The following EHMT1 variants were observed in gnomAD, a reference collection of about 807,000 sequenced individuals.
The protein encoded by EHMT1 is euchromatic histone lysine methyltransferase 1.
EHMT1 carries 15 observed loss-of-function variants against 147.2 expected under a neutral mutation model. The ratio of observed to expected loss-of-function variants is 0.10; its 90% CI spans 0.07 to 0.16. EHMT1 has a LOEUF of 0.16. Ranked by LOEUF, EHMT1 falls within the 10% of genes least tolerant of loss-of-function variation. The probability of loss-of-function intolerance (pLI) is 1.00; values close to 1 mark genes in which losing one functional copy is unlikely to be tolerated. For missense variants in EHMT1, 1,587 were observed against 1,772.4 expected, an observed-to-expected ratio of 0.90 and a Z score of 1.88; for synonymous variants, 795 against 709.6, an observed-to-expected ratio of 1.12 and a Z score of -1.91.
chr9:137,796,715 A>AAG (rs1554888011), intron 16 of EHMT1, among the ~76,000 whole-genome samples: 1 of 151,482 alleles, frequency 6.6e-6, no homozygotes, highest in East Asian at 1.9e-4. Context: ...AAAAAAAAAA[A>AAG]AAAAAGAAAT....
intron 2 of EHMT1, 96 bp from the exon 3 acceptor site, chr9:137,716,530 T>C: frequency 1.9e-6 from 2 of 1,040,174 alleles, no homozygotes. Context: ...GGGGAGGAAG[T>C]TGTGGTGGTG....
chr9:137,753,498 A>T (rs974799288), intron 7 of EHMT1, among the ~76,000 whole-genome samples: 2 of 152,180 alleles, frequency 1.3e-5, no homozygotes, highest in African/African-American at 4.8e-5. Context: ...CCAACTCAGG[A>T]AGAAGGCTGC....
intron 9 of EHMT1, among the ~76,000 whole-genome samples, chr9:137,761,653 T>G (rs1448108953): frequency 1.3e-5 from 2 of 152,102 alleles, no homozygotes; most frequent in Non-Finnish European, 2.9e-5. Flanking sequence ...GAGACGGGGT[T>G]TCACCATGTT....
chr9:137,764,703 C>A (rs530349494), intron 10 of EHMT1: 1 of 152,140 alleles, frequency 6.6e-6, no homozygotes, highest in Non-Finnish European at 1.5e-5. Context: ...TGACAAAATG[C>A]CTTTTACTTT....
chr9:137,754,967 C>G (rs1483164789), intron 8 of EHMT1, among the ~76,000 whole-genome samples: 1 of 152,144 alleles, frequency 6.6e-6, no homozygotes, highest in African/African-American at 2.4e-5. Flanking sequence ...GTCCCCTGTT[C>G]CAGAGGAACT....
At position 137,661,404 on chromosome 9, in the gene EHMT1, A is replaced by C. The variant is rs572668521; in HGVS notation, c.21+42355A>C. ...ACTATACTTTTTTATTGGAGTAAGGAAATGCTCTTCCATTCCTAATTTACT... is the reference window on the plus strand; with the variant it reads ...ACTATACTTTTTTATTGGAGTAAGGCAATGCTCTTCCATTCCTAATTTACT... On this transcript the variant is annotated intron_variant, in intron 1 of 26. Transcript: ENST00000460843. Among the ~76,000 whole-genome samples the C allele has an allele frequency of 1.2e-4, 19 of 152,198 alleles. 1 individual carries two copies. The highest frequency in any genetic ancestry group is 4.3e-4 in the African/African-American group (18 of 41,516).
intron 1 of EHMT1, among the ~76,000 whole-genome samples, chr9:137,688,380 C>G (rs904621911): frequency 2.0e-5 from 3 of 152,090 alleles, no homozygotes; most frequent in African/African-American, 7.2e-5. Flanking sequence ...TATATAAACT[C>G]GGTTCATTTT....
intron 1 of EHMT1, among the ~76,000 whole-genome samples, chr9:137,678,027 C>T (rs1393653791): frequency 6.6e-6 from 1 of 152,042 alleles, no homozygotes; most frequent in Non-Finnish European, 1.5e-5. Flanking sequence ...CAAGATGGCG[C>T]CACTGCACTC....
chr9:137,771,465 G>A (rs867058487), intron 10 of EHMT1, among the ~76,000 whole-genome samples: 2 of 152,128 alleles, frequency 1.3e-5, no homozygotes, highest in African/African-American at 2.4e-5. Flanking sequence ...GTTTACAGCC[G>A]TGAGCCATTG....
intron 15 of EHMT1, among the ~76,000 whole-genome samples, chr9:137,783,539 T>C (rs1467716654): frequency 6.6e-6 from 1 of 152,250 alleles, no homozygotes; most frequent in Non-Finnish European, 1.5e-5. Flanking sequence ...AAGGTTTTCC[T>C]CAAATGCCCA....
intron 3 of EHMT1, among the ~76,000 whole-genome samples, chr9:137,718,760 C>CTTTTTCT (rs1554847996): frequency 4.4e-5 from 6 of 136,306 alleles, no homozygotes; most frequent in African/African-American, 1.7e-4. Flanking sequence ...TTTTCTTTTT[C>CTTTTTCT]TTTTTTTTTT....
At position 137,784,223 on chromosome 9, in the gene EHMT1, G is replaced by C. The variant is rs1276734235; in HGVS notation, c.2382+1826G>C. On this transcript the variant is annotated intron_variant, in intron 15 of 26. Transcript: ENST00000460843. ...GCCAAGAGGAAGATGCTCCAGCACAGCCTTGCTGTGGACCAGGCCGCCCAC... is the reference window on the plus strand; with the variant it reads ...GCCAAGAGGAAGATGCTCCAGCACACCCTTGCTGTGGACCAGGCCGCCCAC... The C allele has an allele frequency of 5.8e-6, 9 of 1,544,644 alleles. No homozygotes were observed. In the Admixed American group the frequency reaches 1.8e-4, roughly 30 times the overall value.
At chr9:137,746,052 A>T (rs1165672295) in intron 6 of EHMT1, 1 of 152,474 alleles carries the variant, frequency 6.6e-6, no homozygotes, top group Admixed American at 6.5e-5. Flanking sequence ...GTCAACGAAG[A>T]GTTGATCTGT....
chr9:137,800,540 T>C (rs559355505), intron 17 of EHMT1: 3 of 356,504 alleles, frequency 8.4e-6, no homozygotes, highest in African/African-American at 6.3e-5. Flanking sequence ...AGCTCCCGTG[T>C]GTGTGCCATT....
chr9:137,705,047 G>A (rs1944148813), intron 1 of EHMT1, among the ~76,000 whole-genome samples: 1 of 150,982 alleles, frequency 6.6e-6, no homozygotes, highest in South Asian at 2.1e-4. Flanking sequence ...GAGTGCAGTG[G>A]TACAACCTTG....
At chr9:137,833,990 C>G in intron 25 of EHMT1, 1 of 323,976 alleles carries the variant, frequency 3.1e-6, no homozygotes, top group Non-Finnish European at 5.8e-6. Context: ...CCCCGGCCTC[C>G]TTTCTCCTAT....
At chr9:137,711,415 G>C (rs1944707150) in intron 2 of EHMT1, among the ~76,000 whole-genome samples, 1 of 152,170 alleles carries the variant, frequency 6.6e-6, no homozygotes, top group African/African-American at 2.4e-5. Flanking sequence ...TCCACACAGT[G>C]GGACAGCGGT....
At chr9:137,817,878 C>A (rs955166929) in intron 24 of EHMT1, 182 bp from the exon 25 acceptor site, 4 of 665,492 alleles carry the variant, frequency 6.0e-6, no homozygotes, top group Non-Finnish European at 1.1e-5. Context: ...TCGTTATCAT[C>A]ATCCTCCGGA....
intron 1 of EHMT1, among the ~76,000 whole-genome samples, chr9:137,692,267 CTTTT>C (rs11398600): frequency 1.7e-5 from 2 of 118,384 alleles, no homozygotes; most frequent in Admixed American, 8.6e-5. Flanking sequence ...TTCTTTCTTT[CTTTT>C]TTTTTTTTTT....
Sources: gnomAD v4.1 joint callset for allele counts (sites outside exome capture counted in the v4.1 genomes callset) on GRCh38, gnomAD v4.1.1 for gene constraint, MANE v1.5 for transcripts, NCBI Gene and HGNC (gene_info 2026-07-23, HGNC 2026-07-21) for gene names.